Variants in NEGR1 observed in about 807,000 individuals in gnomAD.
NEGR1 encodes neuronal growth regulator 1, also known as IgLON family member 4.
In NEGR1, 10 loss-of-function variants were observed where a neutral mutation model predicts 40.9. That is an observed-to-expected ratio of 0.24 (90% CI 0.15 to 0.42). The LOEUF is 0.42. NEGR1 is among the 10% of genes least tolerant of loss of function. NEGR1 has a pLI of 1.00. For synonymous variants in NEGR1, 185 were observed against 166.8 expected, an observed-to-expected ratio of 1.11 and a Z score of -0.84; for missense variants, 352 against 438.9, an observed-to-expected ratio of 0.80 and a Z score of 1.77.
chr1:71,823,695 G>A (rs1658514155), intron 2 of NEGR1, among the ~76,000 whole-genome samples: 1 of 151,934 alleles, frequency 6.6e-6, no homozygotes, highest in Non-Finnish European at 1.5e-5. Flanking sequence ...TCCATGTTTT[G>A]TTTCTTTTTC....
At position 72,085,134 on chromosome 1, in the gene NEGR1, T is replaced by C. The variant is rs185288436; in HGVS notation, c.177-149823A>G. On this transcript the variant is annotated intron_variant, in intron 1 of 6. Transcript: ENST00000357731. ...AGTGATTACACCAGATTATTTTGTA[T>C]AAGCAGGACTGCTTCAATAAAGGTA... 9.3e-4 allele frequency among the ~76,000 whole-genome samples: 141 copies of C among 152,324 alleles called. No individual in the cohort carries two copies. In the Middle Eastern group the frequency reaches 0.017, roughly 18 times the overall value.
chr1:71,514,837 A>G (rs1647108886), intron 6 of NEGR1, among the ~76,000 whole-genome samples: 1 of 102,294 alleles, frequency 9.8e-6, no homozygotes, highest in Admixed American at 1.1e-4. Context: ...AAAAATTTAG[A>G]AGAATGTATA....
intron 6 of NEGR1, among the ~76,000 whole-genome samples, chr1:71,480,843 A>C (rs1247056868): frequency 6.6e-6 from 1 of 151,892 alleles, no homozygotes; most frequent in African/African-American, 2.4e-5. Context: ...AAAAATAGGA[A>C]TACTTATTCC....
intron 1 of NEGR1, among the ~76,000 whole-genome samples, chr1:72,101,622 A>AC (rs1557527053): frequency 6.6e-6 from 1 of 151,990 alleles, no homozygotes; most frequent in African/African-American, 2.4e-5. Flanking sequence ...AAGACTGTAG[A>AC]CTTTTTTTTT....
intron 3 of NEGR1, among the ~76,000 whole-genome samples, chr1:71,745,881 G>T (rs1655365139): frequency 6.6e-6 from 1 of 152,104 alleles, no homozygotes; most frequent in African/African-American, 2.4e-5. Context: ...CTGCCTTTCT[G>T]TGTAACAGCT....
chr1:71,532,991 C>T (rs1647401667), intron 6 of NEGR1, among the ~76,000 whole-genome samples: 1 of 151,580 alleles, frequency 6.6e-6, no homozygotes, highest in Non-Finnish European at 1.5e-5. Context: ...AGACAATCAA[C>T]AGTCATGCAA....
chr1:71,802,629 C>G (rs1380843976), intron 2 of NEGR1, among the ~76,000 whole-genome samples: 1 of 152,138 alleles, frequency 6.6e-6, no homozygotes. Flanking sequence ...ATGCTGCTGC[C>G]TTATTGGGCC....
At chr1:71,484,047 G>T (rs1275260133) in intron 6 of NEGR1, among the ~76,000 whole-genome samples, 1 of 151,474 alleles carries the variant, frequency 6.6e-6, no homozygotes, top group African/African-American at 2.4e-5. Flanking sequence ...GGTTTTCTAG[G>T]TAAACTCATC....
intron 6 of NEGR1, among the ~76,000 whole-genome samples, chr1:71,570,644 C>CTTATTA (rs150984543): frequency 0.59 from 87,284 of 148,030 alleles, 26,267 homozygotes; most frequent in Non-Finnish European, 0.66. Context: ...ATACTGGGTC[C>CTTATTA]TTATTATTAT....
intron 5 of NEGR1, among the ~76,000 whole-genome samples, chr1:71,604,212 G>T (rs908331438): frequency 6.6e-6 from 1 of 152,096 alleles, no homozygotes; most frequent in African/African-American, 2.4e-5. Context: ...CCAGGCTTAA[G>T]AATTGACTCT....
At chr1:71,414,436 G>A (rs1317258588) in intron 6 of NEGR1, among the ~76,000 whole-genome samples, 1 of 152,172 alleles carries the variant, frequency 6.6e-6, no homozygotes, top group African/African-American at 2.4e-5. Flanking sequence ...GAGAGAAAAA[G>A]AGAAGCAGAT....
At chr1:72,200,543 A>AG (rs1333443527) in intron 1 of NEGR1, among the ~76,000 whole-genome samples, 4 of 151,970 alleles carry the variant, frequency 2.6e-5, no homozygotes, top group African/African-American at 9.7e-5. Context: ...ATTGAGCACT[A>AG]TGCTCACTAT....
chr1:71,689,191 C>A (rs1412867943), intron 4 of NEGR1, among the ~76,000 whole-genome samples: 2 of 152,158 alleles, frequency 1.3e-5, no homozygotes, highest in African/African-American at 4.8e-5. Flanking sequence ...TTATTAATTT[C>A]TCAAAGAATT....
At chr1:72,227,851 G>A (rs1197717030) in intron 1 of NEGR1, among the ~76,000 whole-genome samples, 2 of 152,028 alleles carry the variant, frequency 1.3e-5, no homozygotes, top group South Asian at 2.1e-4. Flanking sequence ...TACCCAGAGC[G>A]CAAGTGAGTA....
intron 6 of NEGR1, among the ~76,000 whole-genome samples, chr1:71,560,120 A>T (rs1190391190): frequency 1.3e-5 from 2 of 151,424 alleles, no homozygotes; most frequent in South Asian, 2.1e-4. Context: ...ATAACTATAT[A>T]TGAAAGTCAT....
intron 1 of NEGR1, among the ~76,000 whole-genome samples, chr1:71,949,772 G>C (rs1219306107): frequency 6.6e-6 from 1 of 152,078 alleles, no homozygotes; most frequent in Non-Finnish European, 1.5e-5. Flanking sequence ...CCACTGTCTA[G>C]AGAGTCTCCT....
At chr1:71,947,564 T>C (rs775090550) in intron 1 of NEGR1, among the ~76,000 whole-genome samples, 2 of 152,212 alleles carry the variant, frequency 1.3e-5, no homozygotes, top group African/African-American at 4.8e-5. Context: ...ACCACCTCTA[T>C]TGCAAAAGAA....
intron 6 of NEGR1, among the ~76,000 whole-genome samples, chr1:71,505,471 C>T (rs149490103): frequency 0.014 from 2,160 of 152,126 alleles, 39 homozygotes; most frequent in African/African-American, 0.049. Context: ...TTAGTAGAGA[C>T]GGGGTTTCAC....
At chr1:71,610,701 C>T (rs1438803248) in intron 5 of NEGR1, among the ~76,000 whole-genome samples, 1 of 152,178 alleles carries the variant, frequency 6.6e-6, no homozygotes, top group Non-Finnish European at 1.5e-5. Context: ...GGAAGCTGTA[C>T]TCACGTCCTT....
Sources: gnomAD v4.1 joint callset for allele counts (sites outside exome capture counted in the v4.1 genomes callset) on GRCh38, gnomAD v4.1.1 for gene constraint, MANE v1.5 for transcripts, NCBI Gene and HGNC (gene_info 2026-07-23, HGNC 2026-07-21) for gene names.